The following OTOF variants were observed in gnomAD, a reference collection of about 807,000 sequenced individuals.
The protein encoded by OTOF is fer-1-like family member 2.
A neutral mutation model predicts 236.8 loss-of-function variants in OTOF; 218 were observed. That is an observed-to-expected ratio of 0.92 (90% CI 0.82 to 1.03). OTOF has a LOEUF of 1.03. Among genes scored for constraint, OTOF ranks in the 50% least tolerant of loss-of-function variants. OTOF has a pLI of 0.00. For missense variants in OTOF, 2,590 were observed against 2,694.4 expected (o/e 0.96, Z 0.86); for synonymous variants, 1,041 against 1,072.5 (o/e 0.97, Z 0.57).
chr2:26,469,054 A>T (rs189716836), intron 32 of OTOF, among the ~76,000 whole-genome samples: 48 of 150,226 alleles, frequency 3.2e-4, no homozygotes, highest in African/African-American at 7.6e-4. Flanking sequence ...AGTATAATTT[A>T]AAAAAAAAAG....
chr2:26,542,140 T>C (rs1667224536), intron 1 of OTOF, among the ~76,000 whole-genome samples: 1 of 152,258 alleles, frequency 6.6e-6, no homozygotes, highest in African/African-American at 2.4e-5. Flanking sequence ...TGGCCTTTCA[T>C]GGGACATGAT....
At chr2:26,466,875 G>A (rs1349756544) in intron 35 of OTOF, 24 bp from the exon 36 acceptor site, 1 of 1,613,958 alleles carries the variant, frequency 6.2e-7, no homozygotes, top group Non-Finnish European at 8.5e-7. Context: ...ATGTGGGTCA[G>A]GGTGTAGGTT....
rs779579370 is a variant in OTOF at position 26,476,205 on chromosome 2, G to A, written c.2789C>T (p.Pro930Leu). ...TGCCTTGACCTCCTGGAAGCCACAGGGCAGGCCGCACAGGAACTCCTTGCG... is the reference window on the plus strand; with the variant it reads ...TGCCTTGACCTCCTGGAAGCCACAGAGCAGGCCGCACAGGAACTCCTTGCG... Reference protein sequence around the residue: ...KQRKEFLCGLPCGFQEVKAAQ... With the variant: ...KQRKEFLCGLLCGFQEVKAAQ... Residue 930 changes from proline to leucine, a missense_variant, in exon 23 of 47, where the codon CCC becomes CTC. Transcript: ENST00000272371. 6.8e-6 allele frequency: 11 copies of A among 1,610,164 alleles called. No homozygotes were observed. The Admixed American group carries it at 1.2e-4, about 17-fold the overall frequency.
intron 3 of OTOF, among the ~76,000 whole-genome samples, chr2:26,520,650 A>T (rs1666654661): frequency 6.6e-6 from 1 of 152,210 alleles, no homozygotes; most frequent in Non-Finnish European, 1.5e-5. Flanking sequence ...CTCCCAGCTC[A>T]GGCAGTGCCC....
chr2:26,509,403 G>A (rs1331543034), intron 5 of OTOF, among the ~76,000 whole-genome samples: 1 of 152,134 alleles, frequency 6.6e-6, no homozygotes, highest in African/African-American at 2.4e-5. Context: ...CCATCCTTCA[G>A]GTCTCTGGGC....
chr2:26,504,982 C>T (rs943820984), intron 5 of OTOF, among the ~76,000 whole-genome samples: 11 of 152,174 alleles, frequency 7.2e-5, no homozygotes, highest in African/African-American at 2.4e-4. Flanking sequence ...ACCCCAGATC[C>T]TTGTTCTTTA....
rs144800506 is a variant in OTOF at position 26,477,447 on chromosome 2, C to G, written c.2375G>C (p.Arg792Pro). 9 of 1,600,006 alleles carry G rather than the reference C, an allele frequency of 5.6e-6. No individual in the cohort carries two copies. Among genetic ancestry groups the G allele is most frequent in the Non-Finnish European group, 6.8e-6 (8 of 1,174,096 alleles). ...CCTCATGCAGGACTTGAGGCGCTCC[C>G]GGTCAAGCCTGGTGCGGGATGAGTG... ...QGHSSRTRLD[R>P]ERLKSCMREL... is the part of the protein sequence containing the mutation. The change falls in exon 20 of 47, where the codon CGG becomes CCG. Residue 792 changes from arginine to proline, a missense_variant. By Grantham distance (103) the Arg-to-Pro change is moderately radical. This residue lies in a region of OTOF where 1,379 missense variants were observed against 1,341.6 expected (regional missense o/e 1.03). Transcript: ENST00000272371. The surrounding 1 kb of genome is among the most constrained non-coding windows in gnomAD (Gnocchi z 4.7).
intron 9 of OTOF, among the ~76,000 whole-genome samples, chr2:26,490,688 T>A (rs1665819475): frequency 6.6e-6 from 1 of 152,212 alleles, no homozygotes. Flanking sequence ...CTGTTACTGC[T>A]AGATCACTCA....
intron 3 of OTOF, among the ~76,000 whole-genome samples, chr2:26,519,445 A>G (rs899381503): frequency 1.3e-5 from 2 of 152,208 alleles, no homozygotes; most frequent in African/African-American, 2.4e-5. Context: ...CTCAGTGTGG[A>G]GGCTGGGAAA....
intron 5 of OTOF, among the ~76,000 whole-genome samples, chr2:26,513,807 C>T (rs1436385048): frequency 2.0e-5 from 3 of 152,194 alleles, no homozygotes; most frequent in Non-Finnish European, 4.4e-5. Flanking sequence ...GTGTTGTCCT[C>T]TTTAAGGAGT....
chr2:26,499,955 C>T (rs1011012522), intron 8 of OTOF, among the ~76,000 whole-genome samples: 1 of 152,150 alleles, frequency 6.6e-6, no homozygotes, highest in African/African-American at 2.4e-5. Flanking sequence ...TTGTTCAGTT[C>T]GGTTTAAAAA....
At chr2:26,534,009 G>T (rs1667009524) in intron 2 of OTOF, among the ~76,000 whole-genome samples, 1 of 152,052 alleles carries the variant, frequency 6.6e-6, no homozygotes, top group Non-Finnish European at 1.5e-5. Context: ...GTTTGTAGTG[G>T]GTCCATCTGC....
chr2:26,544,307 T>C (rs1454048809), intron 1 of OTOF, among the ~76,000 whole-genome samples: 1 of 152,214 alleles, frequency 6.6e-6, no homozygotes, highest in Non-Finnish European at 1.5e-5. Context: ...ACATTTCCAT[T>C]TGTTCCACAT....
intron 3 of OTOF, among the ~76,000 whole-genome samples, chr2:26,523,503 G>T (rs1666729736): frequency 6.6e-6 from 1 of 152,132 alleles, no homozygotes; most frequent in South Asian, 2.1e-4. Flanking sequence ...ACTCTCCCAG[G>T]CAGCTCCTCC....
rs780815430 is a variant in OTOF at position 26,480,186 on chromosome 2, G to A, written c.1912+17C>T. ...GCACTCACCTAGGCCCGAAGCCCCC[G>A]TGGGCCCAGCACTCACCTATGGTGA... On this transcript the variant is annotated intron_variant, in intron 16 of 46. Coordinates refer to ENST00000272371, the MANE Select transcript of OTOF (RefSeq NM_194248.3). 116 of 1,529,058 alleles carry A rather than the reference G, an allele frequency of 7.6e-5. No homozygotes were observed. Among genetic ancestry groups the A allele is most frequent in the Non-Finnish European group, 2.0e-5 (22 of 1,103,536 alleles). 94.7% of individuals were successfully genotyped at this position (1,529,058 alleles called of 1,614,324 possible). A position where few individuals can be genotyped will look rare whatever the true frequency, so the allele number is the denominator to read the frequency against.
chr2:26,488,386 G>A (rs1297498648), intron 11 of OTOF, among the ~76,000 whole-genome samples: 1 of 152,206 alleles, frequency 6.6e-6, no homozygotes, highest in Non-Finnish European at 1.5e-5. Context: ...GGGACACAGG[G>A]TGGTCCCTAA....
chr2:26,485,703 C>T (rs924608540), intron 11 of OTOF, among the ~76,000 whole-genome samples: 7 of 152,212 alleles, frequency 4.6e-5, no homozygotes, highest in African/African-American at 1.4e-4. Flanking sequence ...CACCTTCTAC[C>T]GTAGCCCAGG....
chr2:26,483,171 G>T (rs1227192157), intron 13 of OTOF, among the ~76,000 whole-genome samples: 1 of 151,420 alleles, frequency 6.6e-6, no homozygotes, highest in East Asian at 1.9e-4. Flanking sequence ...GCGTGCGTGT[G>T]TGAGTTGGTA....
chr2:26,507,474 A>T lies in OTOF; in HGVS notation c.510-3629T>A, dbSNP rs190515452. On this transcript the variant is annotated intron_variant, in intron 5 of 46. Transcript: ENST00000272371. ...TCAACTTAATCAGGGAATTTTGAAGATTATCTATTTGTCTGAAAGACTTAG... is the reference window on the plus strand; with the variant it reads ...TCAACTTAATCAGGGAATTTTGAAGTTTATCTATTTGTCTGAAAGACTTAG... Among the ~76,000 whole-genome samples the T allele has an allele frequency of 1.1e-4, 17 of 152,372 alleles. No homozygotes were observed. In the East Asian group the frequency reaches 3.3e-3, roughly 29 times the overall value.
Sources: allele counts gnomAD v4.1 joint callset (sites outside exome capture counted in the v4.1 genomes callset), GRCh38; gene constraint gnomAD v4.1.1; regional missense constraint gnomAD v4.1.1; non-coding constraint Gnocchi (gnomAD v3.1); transcripts MANE v1.5; gene names NCBI Gene and HGNC (gene_info 2026-07-23, HGNC 2026-07-21).